Variants in PSG11 observed in about 807,000 individuals in gnomAD.
PSG11 encodes pregnancy-specific beta-1-glycoprotein 11.
PSG11 carries 42 observed loss-of-function variants against 36.0 expected under a neutral mutation model. The observed-to-expected ratio is 1.17, with a 90% CI of 0.91 to 1.51. PSG11 has a LOEUF of 1.51. PSG11 is among the 40% of genes most tolerant of loss of function. The pLI is 0.00. For missense variants in PSG11, 558 were observed against 403.5 expected (o/e 1.38, Z -3.28); for synonymous variants, 206 against 153.5 (o/e 1.34, Z -2.53).
At position 43,025,007 on chromosome 19, in the gene PSG11, A is replaced by G. The variant is rs1967204814; in HGVS notation, c.114T>C (p.Ile38=). The part of the protein sequence containing the change: ...WNLPTTAQVM[I]EAQPPKVSEG... The stretch of plus-strand genomic sequence containing the variant: ...CGGACACTTTGGGTGGCTGGGCTTC[A>G]ATCATGACTTGGGCAGTGGTAGGCA... Residue 38 remains isoleucine, a synonymous_variant, in exon 2 of 6, where the codon ATT becomes ATC. Coordinates refer to ENST00000320078, the MANE Select transcript of PSG11 (RefSeq NM_002785.3). 5.0e-6 allele frequency: 8 copies of G among 1,611,126 alleles called. No individual in the cohort carries two copies. The East Asian group carries it at 1.8e-4, about 36-fold the overall frequency.
intron 2 of PSG11, chr19:43,019,476 A>G (rs1276144538): frequency 1.0e-5 from 2 of 196,674 alleles, no homozygotes; most frequent in African/African-American, 2.3e-5. Context: ...TGCCAAGGAC[A>G]TCCTAGAGAT....
Position 43,019,501 on chromosome 19 carries a change from C to T in PSG11, c.431-453G>A, listed in dbSNP as rs911882870. The T allele has an allele frequency of 2.7e-5, 5 of 186,094 alleles. 1 individual carries two copies. The highest frequency in any genetic ancestry group is 1.1e-4 in the Admixed American group (2 of 18,840). The allele number at this position is 186,094 out of a possible 1,614,324, so 11.5% of individuals were successfully genotyped here. ...ATCCTAGAGATGGATGATGGAACTT[C>T]CCATTGTCCTTAAACCCTTTGGGTA... On this transcript the variant is annotated intron_variant, in intron 2 of 5. Transcript: ENST00000320078.
At chr19:43,014,971 T>C (rs1966920921) in intron 4 of PSG11, 145 bp downstream of exon 4, 4 of 1,547,046 alleles carry the variant, frequency 2.6e-6, no homozygotes, top group Admixed American at 2.0e-5. Flanking sequence ...TAGAGACAAA[T>C]TGGGAGGGTT....
In PSG11 at chr19:43,010,040, A is replaced by G; in HGVS notation, c.966T>C (p.Ala322=). 1 of 1,609,286 alleles carries G rather than the reference A, an allele frequency of 6.2e-7. No individual in the cohort carries two copies. The highest frequency in any genetic ancestry group is 8.5e-7 in the Non-Finnish European group (1 of 1,176,764). ...SSTSLTIRVI[A]PPGLGTFAFN... ...AAGCAAAAGTTCCTAATCCTGGAGG[A>G]GCTGTCATGGAAAGAAAAGAAAAGA... The change falls in exon 5 of 6, where the codon GCT becomes GCC. Residue 322 remains alanine (A), a splice_region_variant and synonymous_variant. Coordinates refer to ENST00000320078, the MANE Select transcript of PSG11 (RefSeq NM_002785.3).
chr19:43,014,974 G>T (rs1568487196), intron 4 of PSG11, 142 bp downstream of exon 4: 3 of 1,551,166 alleles, frequency 1.9e-6, no homozygotes, highest in Non-Finnish European at 2.6e-6. Context: ...AGACAAATTG[G>T]GAGGGTTCAG....
chr19:43,011,087 A>G lies in PSG11; in HGVS notation c.965-1046T>C, dbSNP rs1974066658. Among the ~76,000 whole-genome samples, 2 of 150,990 alleles carry G rather than the reference A, an allele frequency of 1.3e-5. 1 individual carries two copies. The highest frequency in any genetic ancestry group is 4.2e-4 in the South Asian group (2 of 4,754). On this transcript the variant is annotated intron_variant, in intron 4 of 5. Coordinates refer to ENST00000320078, the MANE Select transcript of PSG11 (RefSeq NM_002785.3). ...GCTGTAAAAACTTTCCTGGTGTCAT[A>G]TGGCTAGTGACAGGTGGATCTGAGA...
chr19:43,018,554 C>A (rs1162215965), intron 3 of PSG11: 4 of 1,131,288 alleles, frequency 3.5e-6, no homozygotes, highest in East Asian at 5.0e-5. Context: ...AATCTGTGGA[C>A]CCTGAGCCTC....
Position 43,026,397 on chromosome 19 carries a change from C to T in PSG11, c.-25G>A, listed in dbSNP as rs758317990. The T allele has an allele frequency of 5.6e-6, 9 of 1,606,868 alleles. 1 individual carries two copies. The South Asian group carries it at 9.9e-5, about 18-fold the overall frequency. Reference sequence around the variant, plus strand: ...TGATCTCTGCTGCGTGCATGTTCTCCTCTGTGGAGATGAGCCTAGGATCCA... The same window carrying T: ...TGATCTCTGCTGCGTGCATGTTCTCTTCTGTGGAGATGAGCCTAGGATCCA... On this transcript the variant is annotated 5_prime_UTR_variant, in exon 1 of 6. Transcript: ENST00000320078.
At chr19:43,010,174 T>C (rs1974037933) in intron 4 of PSG11, 133 bp from the exon 5 acceptor site, 3 of 1,464,912 alleles carry the variant, frequency 2.0e-6, no homozygotes, top group East Asian at 2.5e-5. Flanking sequence ...TGTTGGAAAA[T>C]TGATGGGAGA....
intron 4 of PSG11, among the ~76,000 whole-genome samples, chr19:43,013,673 G>T (rs1423532401): frequency 6.6e-6 from 1 of 151,386 alleles, no homozygotes; most frequent in African/African-American, 2.4e-5. Flanking sequence ...CATTGCTGAT[G>T]GGAATGGGAA....
chr19:43,015,407 C>A (rs780877113), intron 3 of PSG11, 37 bp from the exon 4 acceptor site: 1 of 1,587,048 alleles, frequency 6.3e-7, no homozygotes, highest in East Asian at 2.2e-5. Flanking sequence ...TTGATGTCAT[C>A]TGAGGGAAGG....
intron 3 of PSG11, 121 bp downstream of exon 3, chr19:43,018,649 G>T: frequency 6.3e-7 from 1 of 1,595,592 alleles, no homozygotes; most frequent in Non-Finnish European, 8.6e-7. Context: ...GTCATGGCCA[G>T]CTTTGATGTC....
chr19:43,020,873 T>C (rs1400682298), intron 2 of PSG11, among the ~76,000 whole-genome samples: 2 of 151,460 alleles, frequency 1.3e-5, no homozygotes, highest in Non-Finnish European at 2.9e-5. Flanking sequence ...AACAGGTATG[T>C]GAAATGCTTT....
chr19:43,025,916 CTTTTTTTTTTTTTTTTTCTCT>C (rs2032988669), intron 1 of PSG11, among the ~76,000 whole-genome samples: 8 of 62,000 alleles, frequency 1.3e-4, no homozygotes, highest in African/African-American at 1.9e-4. Context: ...GCCTTCTTTC[CTTTTTTTTTTTTTTTTTCTCT>C]TTTTTTTTTT....
At chr19:43,021,131 C>A (rs984317904) in intron 2 of PSG11, among the ~76,000 whole-genome samples, 1 of 151,384 alleles carries the variant, frequency 6.6e-6, no homozygotes, top group African/African-American at 2.4e-5. Context: ...TGTGTTACAG[C>A]CTTTGTAGTT....
At position 43,025,024 on chromosome 19, in the gene PSG11, T is replaced by C. The variant is rs1238434447; in HGVS notation, c.97A>G (p.Thr33Ala). ...TGGGCTTCAATCATGACTTGGGCAGTGGTAGGCAAGTTCCAGAAGTTTAAA... is the reference window on the plus strand; with the variant it reads ...TGGGCTTCAATCATGACTTGGGCAGCGGTAGGCAAGTTCCAGAAGTTTAAA... ...LLLNFWNLPT[T>A]AQVMIEAQPP... Residue 33 changes from threonine to alanine, a missense_variant, in exon 2 of 6, where the codon ACT (threonine) becomes GCT (alanine). Physicochemically the swap from Thr to Ala is moderately conservative, Grantham distance 58. Coordinates refer to ENST00000320078, the MANE Select transcript of PSG11 (RefSeq NM_002785.3). 1.2e-6 allele frequency: 2 copies of C among 1,610,726 alleles called. No homozygotes were observed. Among genetic ancestry groups the C allele is most frequent in the East Asian group, 2.2e-5 (1 of 44,772 alleles).
rs1316642318 is a variant in PSG11, at chr19:43,025,920, T to C, written c.64+389A>G. On this transcript the variant is annotated intron_variant, in intron 1 of 5. Coordinates refer to ENST00000320078, the MANE Select transcript of PSG11 (RefSeq NM_002785.3). ...GCATCAACAGGGCCTTCTTTCCTTT[T>C]TTTTTTTTTTTTTCTCTTTTTTTTT... 2.1e-4 allele frequency among the ~76,000 whole-genome samples: 28 copies of C among 132,854 alleles called. 1 individual carries two copies. Among genetic ancestry groups the C allele is most frequent in the African/African-American group, 7.9e-4 (27 of 34,148 alleles). 87.2% of individuals were successfully genotyped at this position (132,854 alleles called of 152,430 possible).
In PSG11 at chr19:43,015,186, G is replaced by C; in HGVS notation, c.894C>G (p.Leu298=). The part of the protein sequence containing the change: ...IPQITPKHNG[L]YACSARNSAT... ...CTGAGTTACGAGCAGAGCAAGCATAGAGCCCATTATGCTTTGGAGTAATCT... is the reference window on the plus strand; with the variant it reads ...CTGAGTTACGAGCAGAGCAAGCATACAGCCCATTATGCTTTGGAGTAATCT... Residue 298 remains leucine (L), a synonymous_variant, in exon 4 of 6, where the codon CTC becomes CTG. Transcript: ENST00000320078. 5 of 1,610,886 alleles carry C rather than the reference G, an allele frequency of 3.1e-6. No homozygotes were observed. The highest frequency in any genetic ancestry group is 4.2e-6 in the Non-Finnish European group (5 of 1,177,920).
chr19:43,019,172 G>C, intron 2 of PSG11, 124 bp from the exon 3 acceptor site: 1 of 1,515,256 alleles, frequency 6.6e-7, no homozygotes, highest in Non-Finnish European at 8.8e-7. Flanking sequence ...GCCCATGGCA[G>C]GTGTGTGTGT....
Sources: allele counts gnomAD v4.1 joint callset (sites outside exome capture counted in the v4.1 genomes callset), GRCh38; gene constraint gnomAD v4.1.1; transcripts MANE v1.5; gene names NCBI Gene and HGNC (gene_info 2026-07-23, HGNC 2026-07-21).